PRKCA: variants seen among roughly 807,000 people sequenced by gnomAD.
The protein encoded by PRKCA is protein kinase C alpha.
PRKCA carries 27 observed loss-of-function variants against 87.0 expected under a neutral mutation model. The observed-to-expected ratio is 0.31, with a 90% CI of 0.23 to 0.43. The LOEUF is 0.43. Ranked by LOEUF, PRKCA falls within the 20% of genes least tolerant of loss-of-function variation. The probability of loss-of-function intolerance (pLI) is 1.00; values close to 1 mark genes in which losing one functional copy is unlikely to be tolerated. For synonymous variants in PRKCA, 329 were observed against 311.1 expected, an observed-to-expected ratio of 1.06 and a Z score of -0.61; for missense variants, 518 against 852.3, an observed-to-expected ratio of 0.61 and a Z score of 4.88.
chr17:66,543,305 T>G (rs1968046982), intron 3 of PRKCA, among the ~76,000 whole-genome samples: 1 of 152,214 alleles, frequency 6.6e-6, no homozygotes, highest in Admixed American at 6.5e-5. Context: ...CCTGGCATTC[T>G]TTGAATACCA....
At chr17:66,582,900 A>ACGGGCTTTGG (rs1223487378) in intron 3 of PRKCA, among the ~76,000 whole-genome samples, 2 of 152,136 alleles carry the variant, frequency 1.3e-5, no homozygotes, top group African/African-American at 4.8e-5. Flanking sequence ...TGACCTAGGA[A>ACGGGCTTTGG]GTCAGCAGCA....
At chr17:66,360,198 A>G (rs756541575) in intron 2 of PRKCA, among the ~76,000 whole-genome samples, 9 of 152,158 alleles carry the variant, frequency 5.9e-5, no homozygotes, top group Non-Finnish European at 1.2e-4. Context: ...CAGTATTTGA[A>G]GTTGGAGGGA....
chr17:66,805,648 T>C lies in PRKCA; in HGVS notation c.*1611T>C, dbSNP rs898831441. ...GTGAGGACTATTTTTGAGCTGACACTCCCTCTTAGTTTCTTCATGTCACCT... is the reference window on the plus strand; with the variant it reads ...GTGAGGACTATTTTTGAGCTGACACCCCCTCTTAGTTTCTTCATGTCACCT... On this transcript the variant is annotated 3_prime_UTR_variant, in exon 17 of 17. Coordinates refer to ENST00000413366, the MANE Select transcript of PRKCA (RefSeq NM_002737.3). The C allele has an allele frequency of 6.6e-6, 1 of 152,228 alleles. No homozygotes were observed. Among genetic ancestry groups the C allele is most frequent in the South Asian group, 2.1e-4 (1 of 4,836 alleles). 9.4% of individuals were successfully genotyped at this position (152,228 alleles called of 1,614,324 possible). A position where few individuals can be genotyped will look rare whatever the true frequency, so the allele number is the denominator to read the frequency against.
rs918128900 is a variant in PRKCA, at chr17:66,793,928, G to A, written c.1854+4949G>A. On this transcript the variant is annotated intron_variant, in intron 16 of 16. Transcript: ENST00000413366. The stretch of plus-strand genomic sequence containing the variant: ...ATTTAGAATTAATGTGAATGAAATG[G>A]CCAAGAACAGCCTTCAAATTTCCAC... Among the ~76,000 whole-genome samples the A allele has an allele frequency of 3.3e-5, 5 of 152,338 alleles. No homozygotes were observed. In the East Asian group the frequency reaches 5.8e-4, roughly 18 times the overall value.
At chr17:66,708,284 T>G (rs2144116842) in intron 8 of PRKCA, among the ~76,000 whole-genome samples, 1 of 152,338 alleles carries the variant, frequency 6.6e-6, no homozygotes, top group East Asian at 1.9e-4. Context: ...ACTTTCACCT[T>G]GAGCAGAGGT....
chr17:66,368,983 C>T (rs1908932504), intron 2 of PRKCA, among the ~76,000 whole-genome samples: 1 of 152,144 alleles, frequency 6.6e-6, no homozygotes, highest in South Asian at 2.1e-4. Context: ...CTCCATGATT[C>T]CGTGAGCTTT....
chr17:66,427,020 C>A (rs764362031), intron 2 of PRKCA, among the ~76,000 whole-genome samples: 8 of 152,066 alleles, frequency 5.3e-5, no homozygotes, highest in Non-Finnish European at 1.2e-4. Flanking sequence ...GAGACACCAG[C>A]CACTTAAAAA....
At chr17:66,459,406 G>T (rs1223571424) in intron 2 of PRKCA, among the ~76,000 whole-genome samples, 2 of 152,042 alleles carry the variant, frequency 1.3e-5, no homozygotes, top group East Asian at 3.9e-4. Context: ...TGATGAATAC[G>T]CACTGAAAGA....
At chr17:66,577,627 C>T (rs1969280142) in intron 3 of PRKCA, among the ~76,000 whole-genome samples, 2 of 152,308 alleles carry the variant, frequency 1.3e-5, no homozygotes, top group South Asian at 4.2e-4. Context: ...TGGAGATCTG[C>T]TCTGTTTCTA....
intron 3 of PRKCA, among the ~76,000 whole-genome samples, chr17:66,584,977 G>T (rs1377749539): frequency 6.6e-6 from 1 of 152,020 alleles, no homozygotes. Context: ...GAGTTTAATA[G>T]GCAAGAGAAA....
At position 66,805,501 on chromosome 17, in the gene PRKCA, CT is replaced by C. The variant is rs1568046978; in HGVS notation, c.*1469del. The C allele has an allele frequency of 1.3e-5, 2 of 152,402 alleles. No homozygotes were observed. The highest frequency in any genetic ancestry group is 2.9e-5 in the Non-Finnish European group (2 of 68,044). The allele number at this position is 152,402 out of a possible 1,614,324, so 9.4% of individuals were successfully genotyped here. On this transcript the variant is annotated 3_prime_UTR_variant, in exon 17 of 17. Transcript: ENST00000413366. ...CATGGGCACTGTATCAGATAGATTA[CT>C]TTTTAAATGTAGATAAAATTTCAAA...
chr17:66,722,883 A>G (rs781766920), intron 8 of PRKCA, among the ~76,000 whole-genome samples: 3 of 152,260 alleles, frequency 2.0e-5, no homozygotes, highest in African/African-American at 2.4e-5. Flanking sequence ...ACTTCATTCT[A>G]TTCACAACAT....
intron 3 of PRKCA, among the ~76,000 whole-genome samples, chr17:66,566,565 G>A (rs1382496680): frequency 2.7e-5 from 4 of 149,170 alleles, no homozygotes; most frequent in Non-Finnish European, 3.0e-5. Context: ...GTATTTGATG[G>A]GACTTAGATC....
At chr17:66,484,041 C>G (rs1915896287) in intron 2 of PRKCA, among the ~76,000 whole-genome samples, 2 of 152,150 alleles carry the variant, frequency 1.3e-5, no homozygotes, top group African/African-American at 4.8e-5. Context: ...GCTGGGGAGG[C>G]CTCACAATCA....
intron 8 of PRKCA, among the ~76,000 whole-genome samples, chr17:66,720,132 G>C (rs984877485): frequency 6.6e-6 from 1 of 152,238 alleles, no homozygotes; most frequent in Admixed American, 6.5e-5. Flanking sequence ...AAGAGAGGGA[G>C]GGAGTATGCA....
intron 8 of PRKCA, chr17:66,703,542 C>T (rs1454966878): frequency 6.6e-6 from 1 of 152,002 alleles, no homozygotes; most frequent in Non-Finnish European, 1.5e-5. Flanking sequence ...GCCTATAATC[C>T]CAGCAAGTTT....
chr17:66,644,322 G>T (rs1458869006), intron 4 of PRKCA, among the ~76,000 whole-genome samples: 1 of 152,190 alleles, frequency 6.6e-6, no homozygotes, highest in African/African-American at 2.4e-5. Flanking sequence ...CACTCAAAAT[G>T]AAACGGAAAG....
chr17:66,595,814 TC>T (rs1461520272), intron 3 of PRKCA, among the ~76,000 whole-genome samples: 1 of 152,228 alleles, frequency 6.6e-6, no homozygotes, highest in Non-Finnish European at 1.5e-5. Flanking sequence ...CTTGGGCATG[TC>T]TTTTCAAGGG....
intron 15 of PRKCA, among the ~76,000 whole-genome samples, chr17:66,788,554 G>A (rs1239589854): frequency 6.6e-6 from 1 of 151,738 alleles, no homozygotes. Flanking sequence ...AACAGACAAC[G>A]TGTGAGATGT....
Sources: gnomAD v4.1 joint callset for allele counts (sites outside exome capture counted in the v4.1 genomes callset) on GRCh38, gnomAD v4.1.1 for gene constraint, MANE v1.5 for transcripts, NCBI Gene and HGNC (gene_info 2026-07-23, HGNC 2026-07-21) for gene names.